CALN1: variants seen among roughly 807,000 people sequenced by gnomAD.
CALN1 encodes calcium-binding protein 8.
A neutral mutation model predicts 30.6 loss-of-function variants in CALN1; 17 were observed. That is an observed-to-expected ratio of 0.56 (90% CI 0.38 to 0.83). The LOEUF (loss-of-function observed/expected upper bound fraction) is 0.83. Among genes scored for constraint, CALN1 ranks in the 40% least tolerant of loss-of-function variants. CALN1 has a pLI of 0.00. For synonymous variants in CALN1, 156 were observed against 131.4 expected (o/e 1.19, Z -1.28); for missense variants, 291 against 354.9 (o/e 0.82, Z 1.45).
intron 5 of CALN1, among the ~76,000 whole-genome samples, chr7:71,980,718 A>G (rs971936352): frequency 2.6e-5 from 4 of 152,170 alleles, no homozygotes; most frequent in Non-Finnish European, 5.9e-5. Flanking sequence ...AATCATTTCT[A>G]TAGGCCAAAA....
At chr7:71,973,547 G>T (rs780284378) in intron 5 of CALN1, among the ~76,000 whole-genome samples, 3 of 152,156 alleles carry the variant, frequency 2.0e-5, no homozygotes, top group Non-Finnish European at 4.4e-5. Flanking sequence ...CAGAAGATAC[G>T]TATCTGTGAG....
intron 3 of CALN1, among the ~76,000 whole-genome samples, chr7:72,175,232 C>T (rs537070304): frequency 1.3e-5 from 2 of 152,202 alleles, no homozygotes; most frequent in African/African-American, 2.4e-5. Context: ...CGCCACCACA[C>T]CCAGCTAATT....
rs1010712301 is a variant in CALN1 at position 71,972,198 on chromosome 7, C to A, written c.501+51459G>T. The stretch of plus-strand genomic sequence containing the variant: ...TTGCATCTCTCTCTGAAACCTTCAG[C>A]CTTCTAGGGGTCCACAGGCCCAAAG... On this transcript the variant is annotated intron_variant, in intron 5 of 6. Coordinates refer to ENST00000395275, the MANE Select transcript of CALN1 (RefSeq NM_031468.4). 1.2e-4 allele frequency among the ~76,000 whole-genome samples: 18 copies of A among 152,130 alleles called. 1 individual carries two copies. The highest frequency in any genetic ancestry group is 4.3e-4 in the African/African-American group (18 of 41,436).
intron 2 of CALN1, among the ~76,000 whole-genome samples, chr7:72,396,391 C>A (rs1805954988): frequency 6.7e-6 from 1 of 148,568 alleles, no homozygotes; most frequent in South Asian, 2.2e-4. Context: ...CCACTGCACT[C>A]CAGCTTGGGT....
chr7:72,473,584 A>G, the CALN1 span, among the ~76,000 whole-genome samples: 2 of 152,198 alleles, frequency 1.3e-5, no homozygotes, highest in Non-Finnish European at 2.9e-5. Context: ...TTAATGAAAT[A>G]ATTAAGAGAG....
At chr7:72,374,531 C>CAAAAAAAAA (rs200948574) in intron 2 of CALN1, among the ~76,000 whole-genome samples, 1 of 50,492 alleles carries the variant, frequency 2.0e-5, no homozygotes, top group Non-Finnish European at 4.3e-5. Context: ...ACTCTGTCTC[C>CAAAAAAAAA]AAAAAAAAAA....
At chr7:72,401,896 T>G (rs7802985) in intron 2 of CALN1, among the ~76,000 whole-genome samples, 81 of 152,148 alleles carry the variant, frequency 5.3e-4, no homozygotes, top group Non-Finnish European at 1.0e-3. Context: ...CCTCCTTTTC[T>G]CAACATGCCC....
Position 71,880,551 on chromosome 7 carries a change from C to T in CALN1, c.502-70059G>A, listed in dbSNP as rs115660782. 2.7e-3 allele frequency among the ~76,000 whole-genome samples: 414 copies of T among 152,152 alleles called. 3 individuals carry two copies. The highest frequency in any genetic ancestry group is 9.6e-3 in the African/African-American group (398 of 41,496). On this transcript the variant is annotated intron_variant, in intron 5 of 6. Transcript: ENST00000395275. ...ATCCTATCTGGTTCTATGCTGATGA[C>T]CTTTGCATTTATTTCTTTAATCCAA...
At chr7:72,102,121 C>T (rs1207425604) in intron 4 of CALN1, among the ~76,000 whole-genome samples, 4 of 152,176 alleles carry the variant, frequency 2.6e-5, no homozygotes, top group Non-Finnish European at 4.4e-5. Flanking sequence ...CCTCCGCCTC[C>T]TGTGCCCAGT....
intron 5 of CALN1, among the ~76,000 whole-genome samples, chr7:71,913,298 C>T (rs1489623381): frequency 1.3e-5 from 2 of 152,174 alleles, no homozygotes; most frequent in African/African-American, 2.4e-5. Flanking sequence ...GTTCTCTGCA[C>T]TTTGCCACAG....
At chr7:72,321,443 A>T (rs1800873188) in intron 2 of CALN1, among the ~76,000 whole-genome samples, 1 of 152,236 alleles carries the variant, frequency 6.6e-6, no homozygotes, top group Non-Finnish European at 1.5e-5. Context: ...CACAACACCA[A>T]GAAATCTATA....
In CALN1 at chr7:71,985,433, C is replaced by T. The variant is rs1798612349; in HGVS notation, c.501+38224G>A. ...CCGAGGTGGAAGGATTGAATGAGCC[C>T]AGCAGTTGAAGACCAGCCTGGACAA... is the stretch of plus-strand genomic sequence containing the variant. On this transcript the variant is annotated intron_variant, in intron 5 of 6. Coordinates refer to ENST00000395275, the MANE Select transcript of CALN1 (RefSeq NM_031468.4). Among the ~76,000 whole-genome samples, 3 of 152,166 alleles carry T rather than the reference C, an allele frequency of 2.0e-5. No individual in the cohort carries two copies. The South Asian group carries it at 6.2e-4, about 32-fold the overall frequency.
chr7:72,229,637 A>C (rs1436223054), intron 3 of CALN1, among the ~76,000 whole-genome samples: 1 of 152,016 alleles, frequency 6.6e-6, no homozygotes, highest in East Asian at 1.9e-4. Flanking sequence ...TTGCAGGGAC[A>C]CAGATGAAGC....
intron 5 of CALN1, among the ~76,000 whole-genome samples, chr7:71,886,634 T>TTGG (rs1434044286): frequency 4.0e-5 from 6 of 151,712 alleles, no homozygotes; most frequent in Admixed American, 3.9e-4. Context: ...TTAGCCAGGC[T>TTGG]TGGTGGTGGG....
chr7:71,932,953 A>G (rs1209113321), intron 5 of CALN1, among the ~76,000 whole-genome samples: 1 of 152,076 alleles, frequency 6.6e-6, no homozygotes, highest in Non-Finnish European at 1.5e-5. Context: ...TTGATGTAGG[A>G]GTTAAGAAGA....
chr7:72,012,273 T>G (rs1006043826), intron 5 of CALN1, among the ~76,000 whole-genome samples: 3 of 152,258 alleles, frequency 2.0e-5, no homozygotes, highest in Middle Eastern at 3.4e-3. Flanking sequence ...ATCCCAGCAC[T>G]TTGGGAGGCC....
At chr7:72,306,715 C>T (rs1280606334) in intron 2 of CALN1, among the ~76,000 whole-genome samples, 1 of 151,954 alleles carries the variant, frequency 6.6e-6, no homozygotes, top group Non-Finnish European at 1.5e-5. Flanking sequence ...TGAGTTATCC[C>T]CTCTTTCTGG....
rs188517836 is a variant in CALN1 at position 72,409,283 on chromosome 7, T to C, written c.-74+2775A>G. 8.5e-3 allele frequency among the ~76,000 whole-genome samples: 1,299 copies of C among 151,932 alleles called. 15 individuals are homozygous for C. Among genetic ancestry groups the C allele is most frequent in the African/African-American group, 0.03 (1,238 of 41,494 alleles). On this transcript the variant is annotated intron_variant, in intron 1 of 6. Transcript: ENST00000395275. Reference sequence around the variant, plus strand: ...TGCTGGGATTACAGGCAGAAGCCACTGCACCTGGCCCAGCATACTCTTAAA... The same window carrying C: ...TGCTGGGATTACAGGCAGAAGCCACCGCACCTGGCCCAGCATACTCTTAAA...
At chr7:72,322,382 C>T (rs769963364) in intron 2 of CALN1, among the ~76,000 whole-genome samples, 21 of 152,252 alleles carry the variant, frequency 1.4e-4, no homozygotes, top group Admixed American at 6.5e-4. Context: ...CCTTCCCCAC[C>T]GCTCACCTCC....
Sources: gnomAD v4.1 joint callset for allele counts (sites outside exome capture counted in the v4.1 genomes callset) on GRCh38, gnomAD v4.1.1 for gene constraint, MANE v1.5 for transcripts, NCBI Gene and HGNC (gene_info 2026-07-23, HGNC 2026-07-21) for gene names.